Variants in RGS6 observed in about 807,000 individuals in gnomAD.
The protein encoded by RGS6 is regulator of G protein signaling 6.
RGS6 carries 30 observed loss-of-function variants against 78.5 expected under a neutral mutation model. The observed-to-expected ratio is 0.38, with a 90% confidence interval of 0.29 to 0.52. The LOEUF is 0.52. RGS6 is among the 20% of genes least tolerant of loss of function. The pLI is 0.85. For missense variants in RGS6, 495 were observed against 609.7 expected (o/e 0.81, Z 1.98); for synonymous variants, 206 against 206.0 (o/e 1.00, Z 0.00).
intron 3 of RGS6, among the ~76,000 whole-genome samples, chr14:72,367,623 A>G (rs1161506663): frequency 6.6e-6 from 1 of 152,248 alleles, no homozygotes; most frequent in Non-Finnish European, 1.5e-5. Context: ...AGGTATATAC[A>G]TGCATTTTTA....
intron 12 of RGS6, among the ~76,000 whole-genome samples, chr14:72,487,818 G>C (rs1355694062): frequency 1.3e-5 from 2 of 152,258 alleles, no homozygotes; most frequent in African/African-American, 4.8e-5. Flanking sequence ...GTTTTCAGCT[G>C]CTAAATATGA....
At chr14:71,957,306 G>A (rs1455497417) in intron 1 of RGS6, among the ~76,000 whole-genome samples, 6 of 152,208 alleles carry the variant, frequency 3.9e-5, no homozygotes, top group Non-Finnish European at 7.3e-5. Flanking sequence ...GGCAGAGCCA[G>A]ATGGCCTGAG....
At chr14:72,621,225 C>T in the RGS6 span, among the ~76,000 whole-genome samples, 1 of 152,100 alleles carries the variant, frequency 6.6e-6, no homozygotes, top group African/African-American at 2.4e-5. Context: ...CCCTTTATCC[C>T]CTTTATGGAC....
At chr14:72,566,830 G>A (rs1374079389), downstream of RGS6, among the ~76,000 whole-genome samples, 1 of 152,132 alleles carries the variant, frequency 6.6e-6, no homozygotes, top group African/African-American at 2.4e-5. Context: ...TGGCTGGGGG[G>A]TTCTCCAGAC....
chr14:72,039,398 C>T (rs544304027), intron 2 of RGS6, among the ~76,000 whole-genome samples: 1 of 152,106 alleles, frequency 6.6e-6, no homozygotes, highest in Admixed American at 6.6e-5. Flanking sequence ...CACGTTTATA[C>T]TTATTGTATC....
At chr14:72,337,506 C>T (rs2076254071) in intron 2 of RGS6, among the ~76,000 whole-genome samples, 1 of 152,082 alleles carries the variant, frequency 6.6e-6, no homozygotes, top group Non-Finnish European at 1.5e-5. Flanking sequence ...CTCATTTCTC[C>T]TGATGACCAG....
chr14:72,266,215 T>C lies in RGS6; in HGVS notation c.85-85880T>C, dbSNP rs189359829. Among the ~76,000 whole-genome samples the C allele has an allele frequency of 3.0e-3, 463 of 152,240 alleles. 1 individual carries two copies. The highest frequency in any genetic ancestry group is 0.011 in the African/African-American group (447 of 41,532). On this transcript the variant is annotated intron_variant, in intron 2 of 17. Transcript: ENST00000553525. ...AAGATGGCTTCACATGCCTGGCGCC[T>C]TGGTGGGATGGCTGGAAGGCATGTT...
intron 2 of RGS6, among the ~76,000 whole-genome samples, chr14:72,297,514 G>A (rs1018603945): frequency 3.3e-5 from 5 of 150,262 alleles, no homozygotes; most frequent in South Asian, 2.1e-4. Context: ...ATGCTGGTGC[G>A]CTGCACCCAC....
the RGS6 span, among the ~76,000 whole-genome samples, chr14:71,902,473 T>A: frequency 3.9e-5 from 6 of 152,140 alleles, no homozygotes; most frequent in Non-Finnish European, 8.8e-5. Flanking sequence ...TCTTGGGACA[T>A]TTTATATTTC....
chr14:72,044,224 AG>A (rs2092660649), intron 2 of RGS6, among the ~76,000 whole-genome samples: 1 of 152,030 alleles, frequency 6.6e-6, no homozygotes, highest in Admixed American at 6.6e-5. Context: ...TTTTCCCATC[AG>A]TGTTCTTAAC....
chr14:72,146,278 T>C (rs1245166611), intron 2 of RGS6, among the ~76,000 whole-genome samples: 2 of 152,198 alleles, frequency 1.3e-5, no homozygotes, highest in East Asian at 1.9e-4. Context: ...CACTCTTGCA[T>C]TGGGGGTTAA....
intron 3 of RGS6, among the ~76,000 whole-genome samples, chr14:72,374,541 A>G (rs951649125): frequency 6.6e-6 from 1 of 152,214 alleles, no homozygotes; most frequent in Non-Finnish European, 1.5e-5. Flanking sequence ...AACTTTCTCT[A>G]TTTCAGTACT....
At chr14:72,219,043 A>G (rs1232507845) in intron 2 of RGS6, among the ~76,000 whole-genome samples, 1 of 151,760 alleles carries the variant, frequency 6.6e-6, no homozygotes, top group Non-Finnish European at 1.5e-5. Flanking sequence ...TGCCTTTACT[A>G]AAGTCTGTAA....
intron 2 of RGS6, among the ~76,000 whole-genome samples, chr14:72,200,338 C>G (rs1360529911): frequency 6.6e-6 from 1 of 152,228 alleles, no homozygotes; most frequent in Non-Finnish European, 1.5e-5. Context: ...GAACCCGCTT[C>G]CTTCATCATG....
At chr14:72,169,129 T>TA (rs1195005286) in intron 2 of RGS6, among the ~76,000 whole-genome samples, 1 of 152,230 alleles carries the variant, frequency 6.6e-6, no homozygotes, top group African/African-American at 2.4e-5. Context: ...AAACAGAATC[T>TA]AATCACTAAG....
chr14:72,017,132 C>T (rs1370906911), intron 2 of RGS6, among the ~76,000 whole-genome samples: 2 of 152,120 alleles, frequency 1.3e-5, no homozygotes, highest in Non-Finnish European at 2.9e-5. Flanking sequence ...CTCCTGGGCT[C>T]AAGTGACCCT....
chr14:72,525,464 G>A (rs200553149), intron 15 of RGS6, among the ~76,000 whole-genome samples: 6 of 152,178 alleles, frequency 3.9e-5, no homozygotes, highest in Admixed American at 1.3e-4. Flanking sequence ...TGAGGTCTGC[G>A]TGATAAAAGA....
intron 2 of RGS6, among the ~76,000 whole-genome samples, chr14:72,044,983 C>T (rs1328050805): frequency 6.6e-6 from 1 of 152,226 alleles, no homozygotes; most frequent in Non-Finnish European, 1.5e-5. Context: ...GGCCTTCAGC[C>T]TTGGACTGAG....
intron 2 of RGS6, among the ~76,000 whole-genome samples, chr14:72,336,208 C>A (rs1281168984): frequency 6.6e-6 from 1 of 152,216 alleles, no homozygotes; most frequent in Non-Finnish European, 1.5e-5. Context: ...TAAGGGTTTA[C>A]ATTTATTCCT....
Sources: allele counts gnomAD v4.1 joint callset (sites outside exome capture counted in the v4.1 genomes callset), GRCh38; gene constraint gnomAD v4.1.1; transcripts MANE v1.5; gene names NCBI Gene and HGNC (gene_info 2026-07-23, HGNC 2026-07-21).